Variants in PRKAR1B observed in about 807,000 individuals in gnomAD.
The protein encoded by PRKAR1B is cAMP-dependent protein kinase type I-beta regulatory subunit.
In PRKAR1B, 22 loss-of-function variants were observed where a neutral mutation model predicts 46.5. The observed-to-expected ratio is 0.47, with a 90% CI of 0.34 to 0.68. The LOEUF (loss-of-function observed/expected upper bound fraction) is 0.68, where lower values mean the gene tolerates loss of function less well. Among genes scored for constraint, PRKAR1B ranks in the 30% least tolerant of loss-of-function variants. The pLI is 0.01. For missense variants in PRKAR1B, 445 were observed against 535.6 expected (o/e 0.83, Z 1.67); for synonymous variants, 259 against 217.7 (o/e 1.19, Z -1.67).
At chr7:704,665 A>C (rs1352683319) in intron 2 of PRKAR1B, among the ~76,000 whole-genome samples, 2 of 152,152 alleles carry the variant, frequency 1.3e-5, no homozygotes, top group Non-Finnish European at 2.9e-5. Flanking sequence ...GCTACTCGGG[A>C]GGCTGAGGCA....
chr7:726,963 G>T, intron 1 of PRKAR1B: 1 of 1,321,890 alleles, frequency 7.6e-7, no homozygotes, highest in Non-Finnish European at 9.7e-7. Context: ...TGCCGCGCTT[G>T]CTGCGCTGCC....
chr7:560,352 C>G lies in PRKAR1B; in HGVS notation c.892-8882G>C, dbSNP rs1467220368. Among the ~76,000 whole-genome samples the G allele has an allele frequency of 8.6e-6, 1 of 116,194 alleles. No homozygotes were observed. Among genetic ancestry groups the G allele is most frequent in the Non-Finnish European group, 1.7e-5 (1 of 58,642 alleles). The allele number at this position is 116,194 out of a possible 152,430, so 76.2% of individuals were successfully genotyped here. A position where few individuals can be genotyped will look rare whatever the true frequency, so the allele number is the denominator to read the frequency against. On this transcript the variant is annotated intron_variant, in intron 9 of 10. Transcript: ENST00000537384. The surrounding 1 kb of genome is among the most constrained non-coding windows in gnomAD (Gnocchi z 4.2). ...TTCTTCATAGCAGTGTTAGAATGAA[C>G]TAATACAAATAATAATAATAATAAT... is the stretch of plus-strand genomic sequence containing the variant.
intron 10 of PRKAR1B, 105 bp from the exon 11 acceptor site, chr7:550,707 G>T (rs1784129517): frequency 5.4e-6 from 5 of 928,660 alleles, no homozygotes; most frequent in Non-Finnish European, 7.8e-6. Flanking sequence ...TTAAGGATAG[G>T]ATGTGCCAGG....
chr7:682,745 A>C (rs536166685), intron 2 of PRKAR1B, among the ~76,000 whole-genome samples: 22 of 151,720 alleles, frequency 1.5e-4, no homozygotes, highest in African/African-American at 5.3e-4. Context: ...TCTGTCTCAA[A>C]AAAAAAAAAA....
rs1483925371 is a variant in PRKAR1B, at chr7:593,057, G to T, written c.708+3089C>A. Among the ~76,000 whole-genome samples, 1 of 152,164 alleles carries T rather than the reference G, an allele frequency of 6.6e-6. No homozygotes were observed. The highest frequency in any genetic ancestry group is 2.4e-5 in the African/African-American group (1 of 41,432). The stretch of plus-strand genomic sequence containing the variant: ...TCAAAAAAATTAAAAAAAACAAAAA[G>T]GTAAGAAAGAAAAAGCAAGTCTGGG... On this transcript the variant is annotated intron_variant, in intron 7 of 10. Transcript: ENST00000537384. This position sits in a 1 kb window ranked among gnomAD's most constrained non-coding sequence, Gnocchi z 6.1.
At chr7:607,554 A>T in intron 4 of PRKAR1B, 102 bp from the exon 5 acceptor site, 3 of 1,004,130 alleles carry the variant, frequency 3.0e-6, no homozygotes, top group Non-Finnish European at 4.6e-6. Context: ...CTTCACAGTC[A>T]TTGGGGAAAA....
At chr7:673,987 G>A (rs540881297) in intron 4 of PRKAR1B, among the ~76,000 whole-genome samples, 6 of 152,280 alleles carry the variant, frequency 3.9e-5, no homozygotes, top group Admixed American at 3.3e-4. Flanking sequence ...CCCCTTCTGT[G>A]TGTGGCATCT....
chr7:717,240 G>C (rs1268249877), intron 1 of PRKAR1B, among the ~76,000 whole-genome samples: 2 of 151,922 alleles, frequency 1.3e-5, no homozygotes, highest in South Asian at 2.1e-4. Context: ...AGTGAGCTGA[G>C]AGCATGCCAC....
At chr7:715,486 A>C (rs1347645380) in intron 1 of PRKAR1B, among the ~76,000 whole-genome samples, 1 of 152,078 alleles carries the variant, frequency 6.6e-6, no homozygotes, top group African/African-American at 2.4e-5. Flanking sequence ...CCCTCAACTG[A>C]AAATGTGCTG....
chr7:682,449 C>CA (rs1353118491), intron 2 of PRKAR1B, among the ~76,000 whole-genome samples: 1 of 151,678 alleles, frequency 6.6e-6, no homozygotes, highest in Admixed American at 6.6e-5. Context: ...GACCATAACT[C>CA]AAAAAAAATT....
intron 2 of PRKAR1B, among the ~76,000 whole-genome samples, chr7:705,062 C>T (rs1583444110): frequency 6.6e-6 from 1 of 152,008 alleles, no homozygotes; most frequent in Non-Finnish European, 1.5e-5. Flanking sequence ...GAGGCTGAGG[C>T]GGGTGGAGCA....
chr7:670,458 C>A (rs554347337), intron 4 of PRKAR1B, among the ~76,000 whole-genome samples: 1 of 152,384 alleles, frequency 6.6e-6, no homozygotes, highest in African/African-American at 2.4e-5. Flanking sequence ...GCTAGGCGGC[C>A]TGGGCCTCTG....
At chr7:680,265 G>A (rs1562610754) in intron 3 of PRKAR1B, among the ~76,000 whole-genome samples, 1 of 151,918 alleles carries the variant, frequency 6.6e-6, no homozygotes, top group African/African-American at 2.4e-5. Context: ...GGATGCCAGC[G>A]AGTCCCTTCC....
intron 2 of PRKAR1B, among the ~76,000 whole-genome samples, chr7:710,896 G>A (rs1780590230): frequency 6.6e-6 from 1 of 152,014 alleles, no homozygotes; most frequent in Admixed American, 6.6e-5. Context: ...TGCCCGCCTC[G>A]GCCTCCCAAA....
At chr7:653,765 A>T (rs1411890442) in intron 4 of PRKAR1B, among the ~76,000 whole-genome samples, 1 of 152,208 alleles carries the variant, frequency 6.6e-6, no homozygotes, top group African/African-American at 2.4e-5. Context: ...GCACAACAAG[A>T]GGCCAAATGG....
chr7:659,895 T>TA (rs1785415218), intron 4 of PRKAR1B, among the ~76,000 whole-genome samples: 1 of 151,808 alleles, frequency 6.6e-6, no homozygotes, highest in South Asian at 2.1e-4. Flanking sequence ...TTTATTACAA[T>TA]AAAAAAATGT....
Position 670,629 on chromosome 7 carries a change from G to A in PRKAR1B, c.440+6600C>T, listed in dbSNP as rs185319473. Among the ~76,000 whole-genome samples, 770 of 133,702 alleles carry A rather than the reference G, an allele frequency of 5.8e-3. 7 individuals are homozygous for A. The highest frequency in any genetic ancestry group is 0.021 in the African/African-American group (729 of 34,910). 87.7% of individuals were successfully genotyped at this position (133,702 alleles called of 152,430 possible). The stretch of plus-strand genomic sequence containing the variant: ...AGCAGAGGGGCTCAGGACCGAGGAC[G>A]GCCTCCGAGCTCCCCCACGCCACAG... On this transcript the variant is annotated intron_variant, in intron 4 of 10. Coordinates refer to ENST00000537384, the MANE Select transcript of PRKAR1B (RefSeq NM_001164760.2).
At chr7:584,039 G>C (rs1312289703) in intron 8 of PRKAR1B, among the ~76,000 whole-genome samples, 2 of 152,214 alleles carry the variant, frequency 1.3e-5, no homozygotes, top group African/African-American at 2.4e-5. Context: ...CCGGAACTGA[G>C]AGCAATGATG....
At chr7:600,546 A>G (rs992125800) in intron 6 of PRKAR1B, among the ~76,000 whole-genome samples, 5 of 152,252 alleles carry the variant, frequency 3.3e-5, no homozygotes, top group Non-Finnish European at 4.4e-5. Context: ...CACAACCTGA[A>G]TAACATCTGA....
Sources: allele counts gnomAD v4.1 joint callset (sites outside exome capture counted in the v4.1 genomes callset), GRCh38; gene constraint gnomAD v4.1.1; non-coding constraint Gnocchi (gnomAD v3.1); transcripts MANE v1.5; gene names NCBI Gene and HGNC (gene_info 2026-07-23, HGNC 2026-07-21).